Variants in AKAP6 observed in about 807,000 individuals in gnomAD.
The protein encoded by AKAP6 is A-kinase anchoring protein 6, also known as A-kinase anchor protein 6.
AKAP6 carries 58 observed loss-of-function variants against 188.5 expected under a neutral mutation model. That is an observed-to-expected ratio of 0.31 (90% confidence interval 0.25 to 0.38). The LOEUF (loss-of-function observed/expected upper bound fraction) is 0.38, where lower values mean the gene tolerates loss of function less well. AKAP6 is among the 10% of genes least tolerant of loss of function. AKAP6 has a pLI of 1.00. For synonymous variants in AKAP6, 989 were observed against 998.6 expected, an observed-to-expected ratio of 0.99 and a Z score of 0.18; for missense variants, 2,710 against 2,740.0, an observed-to-expected ratio of 0.99 and a Z score of 0.24.
intron 11 of AKAP6, among the ~76,000 whole-genome samples, chr14:32,768,268 C>T (rs1189239231): frequency 6.6e-6 from 1 of 152,096 alleles, no homozygotes; most frequent in Non-Finnish European, 1.5e-5. Context: ...ATTATCTGTA[C>T]CTGAATAGCT....
intron 2 of AKAP6, among the ~76,000 whole-genome samples, chr14:32,527,095 C>T (rs1329137907): frequency 6.6e-6 from 1 of 152,200 alleles, no homozygotes; most frequent in Non-Finnish European, 1.5e-5. Flanking sequence ...CTGCCATAAA[C>T]ATCCTCTTCT....
At chr14:32,777,251 A>G (rs950894467) in intron 12 of AKAP6, among the ~76,000 whole-genome samples, 2 of 152,204 alleles carry the variant, frequency 1.3e-5, no homozygotes, top group African/African-American at 2.4e-5. Context: ...AATACCCAAC[A>G]TACAACAAGT....
chr14:32,814,583 G>A (rs892608937), intron 12 of AKAP6, among the ~76,000 whole-genome samples: 3 of 152,186 alleles, frequency 2.0e-5, no homozygotes, highest in African/African-American at 7.2e-5. Flanking sequence ...GTTTGCACCA[G>A]TTGAAAGTCA....
chr14:32,777,898 G>A (rs1480085714), intron 12 of AKAP6, among the ~76,000 whole-genome samples: 2 of 152,102 alleles, frequency 1.3e-5, no homozygotes, highest in Non-Finnish European at 2.9e-5. Context: ...AATTAGGCAG[G>A]CCTGAAGACA....
intron 11 of AKAP6, among the ~76,000 whole-genome samples, chr14:32,739,439 C>T (rs187589070): frequency 6.6e-4 from 101 of 151,904 alleles, no homozygotes; most frequent in South Asian, 1.2e-3. Flanking sequence ...CTATAGTCCC[C>T]CTGTTGTGCT....
intron 2 of AKAP6, among the ~76,000 whole-genome samples, chr14:32,479,254 G>A (rs1296534391): frequency 2.6e-5 from 4 of 151,514 alleles, no homozygotes; most frequent in Non-Finnish European, 4.4e-5. Flanking sequence ...AGTAAACATC[G>A]ACTCCTCACT....
At chr14:32,438,810 G>A (rs1890473253) in intron 2 of AKAP6, 1 of 152,230 alleles carries the variant, frequency 6.6e-6, no homozygotes, top group Non-Finnish European at 1.5e-5. Context: ...GATTTTAACT[G>A]AGACCTCTGG....
At chr14:32,402,825 G>A (rs548642371) in intron 1 of AKAP6, among the ~76,000 whole-genome samples, 1 of 151,906 alleles carries the variant, frequency 6.6e-6, no homozygotes, top group Non-Finnish European at 1.5e-5. Flanking sequence ...TGCTTCATGG[G>A]CTCCAGCGAT....
chr14:32,756,906 G>C (rs2032355841), intron 11 of AKAP6, among the ~76,000 whole-genome samples: 2 of 152,100 alleles, frequency 1.3e-5, no homozygotes, highest in African/African-American at 4.8e-5. Flanking sequence ...ACCTGGAGCT[G>C]GGGTGTGCAT....
At chr14:32,590,164 A>G (rs910843) in intron 5 of AKAP6, among the ~76,000 whole-genome samples, 131,340 of 152,034 alleles carry the variant, frequency 0.86, 57,025 homozygotes, top group East Asian at 1. Flanking sequence ...AATCTTCCTT[A>G]GAGACCCAAG....
chr14:32,758,688 G>T (rs928180143), intron 11 of AKAP6, among the ~76,000 whole-genome samples: 2 of 151,996 alleles, frequency 1.3e-5, no homozygotes, highest in Non-Finnish European at 2.9e-5. Context: ...AGCCGAGATC[G>T]CACCATTGCA....
chr14:32,430,837 T>G (rs1302346723), intron 1 of AKAP6, among the ~76,000 whole-genome samples: 6 of 152,124 alleles, frequency 3.9e-5, no homozygotes, highest in African/African-American at 1.2e-4. Context: ...CTGGGTGCGG[T>G]GGCTCATGCC....
chr14:32,564,445 T>A (rs999794902), intron 4 of AKAP6, among the ~76,000 whole-genome samples: 1 of 152,212 alleles, frequency 6.6e-6, no homozygotes, highest in Non-Finnish European at 1.5e-5. Context: ...AACCCCTGAT[T>A]GCTAAATATA....
chr14:32,828,529 T>TCACA (rs55957852), intron 13 of AKAP6, among the ~76,000 whole-genome samples: 13 of 75,952 alleles, frequency 1.7e-4, no homozygotes, highest in African/African-American at 6.3e-4. Flanking sequence ...TCTCTCTCTC[T>TCACA]CACACACACA....
At chr14:32,811,327 C>T (rs72669859) in intron 12 of AKAP6, among the ~76,000 whole-genome samples, 10,161 of 150,758 alleles carry the variant, frequency 0.067, 399 homozygotes, top group South Asian at 0.15. Context: ...AACTGACCAA[C>T]ATTTTATTTT....
chr14:32,495,645 G>A (rs141045184), intron 2 of AKAP6, among the ~76,000 whole-genome samples: 1 of 152,134 alleles, frequency 6.6e-6, no homozygotes, highest in Non-Finnish European at 1.5e-5. Flanking sequence ...CACAAAGTGC[G>A]ACTTATCTGG....
rs182306766 is a variant in AKAP6 at position 32,577,606 on chromosome 14, T to G, written c.2469+364T>G. ...GATGACCATTCTAAGCTTTCTAGAATTCTTGTAAAATTAATGAACCTCTCA... is the reference window on the plus strand; with the variant it reads ...GATGACCATTCTAAGCTTTCTAGAAGTCTTGTAAAATTAATGAACCTCTCA... On this transcript the variant is annotated intron_variant, in intron 5 of 13. Coordinates refer to ENST00000280979, the MANE Select transcript of AKAP6 (RefSeq NM_004274.5). Among the ~76,000 whole-genome samples, 592 of 152,276 alleles carry G rather than the reference T, an allele frequency of 3.9e-3. 2 individuals are homozygous for G. Among genetic ancestry groups the G allele is most frequent in the African/African-American group, 0.013 (557 of 41,572 alleles).
chr14:32,782,525 G>T (rs567987276), intron 12 of AKAP6, among the ~76,000 whole-genome samples: 88 of 152,092 alleles, frequency 5.8e-4, no homozygotes, highest in African/African-American at 2.1e-3. Context: ...TCTACAAAAA[G>T]ATACTAGAAC....
At chr14:32,549,717 A>AT (rs1462785652) in intron 4 of AKAP6, among the ~76,000 whole-genome samples, 1 of 152,058 alleles carries the variant, frequency 6.6e-6, no homozygotes, top group East Asian at 1.9e-4. Flanking sequence ...GGAAGGGAGG[A>AT]TTTTTTCAGA....
Sources: allele counts gnomAD v4.1 joint callset (sites outside exome capture counted in the v4.1 genomes callset), GRCh38; gene constraint gnomAD v4.1.1; transcripts MANE v1.5; gene names NCBI Gene and HGNC (gene_info 2026-07-23, HGNC 2026-07-21).